RTTN: variants seen among roughly 807,000 people sequenced by gnomAD.
The protein encoded by RTTN is rotatin.
A neutral mutation model predicts 269.2 loss-of-function variants in RTTN; 182 were observed. The ratio of observed to expected loss-of-function variants is 0.68; its 90% confidence interval spans 0.60 to 0.76. RTTN has a LOEUF of 0.76. Among genes scored for constraint, RTTN ranks in the 30% least tolerant of loss-of-function variants. The probability of loss-of-function intolerance (pLI) is 0.00; values close to 1 mark genes in which losing one functional copy is unlikely to be tolerated. For missense variants in RTTN, 2,545 were observed against 2,608.6 expected, an observed-to-expected ratio of 0.98 and a Z score of 0.53; for synonymous variants, 1,006 against 963.5, an observed-to-expected ratio of 1.04 and a Z score of -0.82.
At position 70,196,569 on chromosome 18, in the gene RTTN, T is replaced by C; in HGVS notation, c.773A>G (p.Gln258Arg). 1.2e-6 allele frequency: 2 copies of C among 1,612,456 alleles called. No homozygotes were observed. The highest frequency in any genetic ancestry group is 1.7e-6 in the Non-Finnish European group (2 of 1,179,558). Residue 258 changes from glutamine to arginine, a missense_variant, in exon 7 of 49, where the codon CAG becomes CGG. Gln to Arg is a conservative substitution (Grantham distance 43). Coordinates refer to ENST00000640769, the MANE Select transcript of RTTN (RefSeq NM_173630.4). ...LALQSVSCLQ[Q>R]LCMYLRNRLN... ...TCTGTTTCTTAAATACATGCACAGC[T>C]GCTGCAGGCAGGACACCGACTGTAA...
In RTTN at chr18:70,149,024, G is replaced by C. The variant is rs1399554240; in HGVS notation, c.2186C>G (p.Thr729Arg). The C allele has an allele frequency of 6.2e-7, 1 of 1,613,228 alleles. No individual in the cohort carries two copies. Residue 729 changes from threonine (T) to arginine (R), a missense_variant, in exon 17 of 49, where the codon ACA becomes AGA. Transcript: ENST00000640769. ...AATGCAGTTACCCAGAGGATCTTCT[G>C]TGTCGGCATAGCCCTAATAGATTTG... ...VIPILQGYADTEDPLGNCILL... is the reference protein window; with the variant it reads ...VIPILQGYADREDPLGNCILL...
chr18:70,165,955 G>C (rs2060973104), intron 14 of RTTN, 107 bp downstream of exon 14: 2 of 1,079,652 alleles, frequency 1.9e-6, no homozygotes, highest in East Asian at 2.6e-5. Context: ...ATGGGATATA[G>C]TTCTTATATC....
rs1568427284 is a variant in RTTN, at chr18:70,127,753, G to GA, written c.3144-13dup. 1.3e-5 allele frequency: 21 copies of GA among 1,573,630 alleles called. No homozygotes were observed. Among genetic ancestry groups the GA allele is most frequent in the South Asian group, 3.5e-5 (3 of 86,388 alleles). ...ATGCATCTAAAATTCTAGACAAAAAGAAAAAAAATGAAGGAGGAACATAAA... is the reference window on the plus strand; with the variant it reads ...ATGCATCTAAAATTCTAGACAAAAAGAAAAAAAAATGAAGGAGGAACATAAA... On this transcript the variant is annotated splice_polypyrimidine_tract_variant and intron_variant, in intron 24 of 48. Transcript: ENST00000640769.
chr18:70,197,296 G>A (rs900375063), intron 6 of RTTN, among the ~76,000 whole-genome samples: 5 of 152,162 alleles, frequency 3.3e-5, no homozygotes, highest in Non-Finnish European at 7.3e-5. Context: ...AAATAAACGA[G>A]ATACTCAAGA....
At chr18:70,020,894 T>G (rs1179319025) in intron 44 of RTTN, 77 bp from the exon 45 acceptor site, 3 of 1,216,606 alleles carry the variant, frequency 2.5e-6, no homozygotes, top group African/African-American at 1.5e-5. Context: ...TGGCAAAGCA[T>G]ATCTGTCTAA....
At chr18:70,176,571 A>G in intron 11 of RTTN, 104 bp downstream of exon 11, 1 of 1,059,748 alleles carries the variant, frequency 9.4e-7, no homozygotes, top group Non-Finnish European at 1.3e-6. Context: ...AAATGGCCTA[A>G]AGCACAATAC....
intron 35 of RTTN, among the ~76,000 whole-genome samples, chr18:70,063,127 G>A (rs935690051): frequency 1.3e-5 from 2 of 151,964 alleles, no homozygotes; most frequent in African/African-American, 4.8e-5. Flanking sequence ...TCCTAGAAGT[G>A]GAATTGTTTA....
intron 14 of RTTN, among the ~76,000 whole-genome samples, chr18:70,162,454 A>G (rs959206181): frequency 3.9e-5 from 6 of 152,178 alleles, no homozygotes; most frequent in African/African-American, 1.4e-4. Flanking sequence ...AGTTTAATTG[A>G]CTCACAGTTC....
Position 70,017,393 on chromosome 18 carries a change from G to C in RTTN, c.6421+14C>G, listed in dbSNP as rs766351807. On this transcript the variant is annotated intron_variant, in intron 46 of 48. Transcript: ENST00000640769. ...TAACTACATATATAAATGTATGTGT[G>C]TGTGAAAACTTACCATTAGCCAGGA... 1.9e-6 allele frequency: 3 copies of C among 1,608,644 alleles called. No homozygotes were observed. Among genetic ancestry groups the C allele is most frequent in the African/African-American group, 2.7e-5 (2 of 74,728 alleles).
intron 23 of RTTN, chr18:70,131,072 A>T (rs2059985672): frequency 1.3e-5 from 2 of 151,918 alleles, no homozygotes. Context: ...CCTACAAAAA[A>T]ATGGACTCCA....
At position 70,169,052 on chromosome 18, in the gene RTTN, A is replaced by AT. The variant is rs2061066554; in HGVS notation, c.1491dup (p.Ser498IlefsTer26). 1 of 1,593,974 alleles carries AT rather than the reference A, an allele frequency of 6.3e-7. No individual in the cohort carries two copies. Among genetic ancestry groups the AT allele is most frequent in the East Asian group, 2.2e-5 (1 of 44,646 alleles). ...AATAATGCTGTTGACATAGGCTCTGATAAAAACTCGCTTGCCTTGGTGAAT... is the reference window on the plus strand; with the variant it reads ...AATAATGCTGTTGACATAGGCTCTGATTAAAAACTCGCTTGCCTTGGTGAAT... On this transcript the variant is annotated frameshift_variant, in exon 12 of 49. Coordinates refer to ENST00000640769, the MANE Select transcript of RTTN (RefSeq NM_173630.4). LOFTEE classifies it high-confidence loss of function.
chr18:70,161,600 A>C (rs1416411292), intron 14 of RTTN, among the ~76,000 whole-genome samples: 1 of 152,240 alleles, frequency 6.6e-6, no homozygotes, highest in Non-Finnish European at 1.5e-5. Context: ...CAAACTATGC[A>C]TGTGACAAAG....
At chr18:70,093,077 CA>C (rs2058895823) in intron 28 of RTTN, among the ~76,000 whole-genome samples, 1 of 152,148 alleles carries the variant, frequency 6.6e-6, no homozygotes. Context: ...TGGCAGTGGA[CA>C]CCTGTAGTCC....
Position 70,073,988 on chromosome 18 carries a change from T to C in RTTN, c.4571A>G (p.Asp1524Gly). The C allele has an allele frequency of 1.9e-6, 3 of 1,609,706 alleles. No homozygotes were observed. The highest frequency in any genetic ancestry group is 2.5e-6 in the Non-Finnish European group (3 of 1,176,624). ...NSESNDLNGL[D>G]DSFKFWRAPS... ...AGCCCTCCAAAACTTGAATGAGTCATCTAAACCTGCAACAACGAGAAAATT... is the reference window on the plus strand; with the variant it reads ...AGCCCTCCAAAACTTGAATGAGTCACCTAAACCTGCAACAACGAGAAAATT... The change falls in exon 34 of 49, where the codon GAT (aspartate) becomes GGT (glycine). Residue 1524 changes from aspartate to glycine, a missense_variant. Asp to Gly is a moderately conservative substitution (Grantham distance 94). Coordinates refer to ENST00000640769, the MANE Select transcript of RTTN (RefSeq NM_173630.4).
chr18:70,069,093 A>C (rs1452080291), intron 34 of RTTN, among the ~76,000 whole-genome samples: 2 of 152,166 alleles, frequency 1.3e-5, no homozygotes, highest in Non-Finnish European at 2.9e-5. Context: ...TCTAATGTGT[A>C]GCATGGTGAA....
At chr18:70,176,514 T>C (rs779216194) in intron 11 of RTTN, among the ~76,000 whole-genome samples, 161 bp downstream of exon 11, 48 of 152,334 alleles carry the variant, frequency 3.2e-4, no homozygotes, top group Admixed American at 9.8e-4. Flanking sequence ...ATGTTAGCCA[T>C]TTCTCAATTT....
intron 34 of RTTN, among the ~76,000 whole-genome samples, chr18:70,068,710 AC>A (rs1259597651): frequency 6.6e-6 from 1 of 152,206 alleles, no homozygotes; most frequent in Non-Finnish European, 1.5e-5. Context: ...TTGTCCTCTT[AC>A]AACAGCGAGA....
chr18:70,181,597 A>G (rs2061423734), intron 10 of RTTN, among the ~76,000 whole-genome samples: 2 of 152,170 alleles, frequency 1.3e-5, no homozygotes, highest in South Asian at 4.1e-4. Flanking sequence ...TGATATTAGT[A>G]CTGTGTGGAA....
intron 28 of RTTN, among the ~76,000 whole-genome samples, chr18:70,096,216 A>C (rs2059000141): frequency 6.6e-6 from 1 of 152,046 alleles, no homozygotes; most frequent in Non-Finnish European, 1.5e-5. Context: ...ATCCAAGGTT[A>C]TTAGCTTCCT....
Sources: gnomAD v4.1 joint callset for allele counts (sites outside exome capture counted in the v4.1 genomes callset) on GRCh38, gnomAD v4.1.1 for gene constraint, MANE v1.5 for transcripts, NCBI Gene and HGNC (gene_info 2026-07-23, HGNC 2026-07-21) for gene names.